The following ANKRD31 variants were observed in gnomAD, a reference collection of about 807,000 sequenced individuals.
The protein encoded by ANKRD31 is ankyrin repeat domain-containing protein 31.
Under a neutral mutation model 186.0 loss-of-function variants are expected in ANKRD31, and 147 were observed. That is an observed-to-expected ratio of 0.79 (90% confidence interval 0.69 to 0.91). ANKRD31 has a LOEUF of 0.91. ANKRD31 is among the 40% of genes least tolerant of loss of function. The pLI, the probability that ANKRD31 is intolerant of heterozygous loss-of-function variation, is 0.00. For missense variants in ANKRD31, 1,986 were observed against 2,148.8 expected (o/e 0.92, Z 1.50); for synonymous variants, 673 against 736.4 (o/e 0.91, Z 1.39).
intron 10 of ANKRD31, among the ~76,000 whole-genome samples, chr5:75,180,085 T>A (rs975782056): frequency 3.9e-5 from 6 of 151,948 alleles, no homozygotes; most frequent in African/African-American, 4.8e-5. Context: ...CTTATACACC[T>A]ATAACAGACA....
rs1446468616 is a variant in ANKRD31, at chr5:75,206,028, T to A, written c.403+383A>T. On this transcript the variant is annotated intron_variant, in intron 5 of 25. Coordinates refer to ENST00000506364, the MANE Select transcript of ANKRD31 (RefSeq NM_001372053.1). The stretch of plus-strand genomic sequence containing the variant: ...AATGGCATCTGAGCTGCTACTCCCA[T>A]AGGTAATTCTATGAAGCATGCCCCA... Among the ~76,000 whole-genome samples, 4 of 151,400 alleles carry A rather than the reference T, an allele frequency of 2.6e-5. No individual in the cohort carries two copies. The South Asian group carries it at 6.3e-4, about 24-fold the overall frequency.
At position 75,147,383 on chromosome 5, in the gene ANKRD31, T is replaced by G. The variant is rs774825385; in HGVS notation, c.2028A>C (p.Glu676Asp). 1.3e-6 allele frequency: 2 copies of G among 1,526,632 alleles called. No individual in the cohort carries two copies. The highest frequency in any genetic ancestry group is 2.4e-5 in the South Asian group (2 of 81,956). The allele number at this position is 1,526,632 out of a possible 1,614,324, so 94.6% of individuals were successfully genotyped here. A position where few individuals can be genotyped will look rare whatever the true frequency, so the allele number is the denominator to read the frequency against. The change falls in exon 14 of 26, where the codon GAA becomes GAC. Residue 676 changes from glutamate (E) to aspartate (D), a missense_variant. Physicochemically the swap from Glu to Asp is conservative, Grantham distance 45. Transcript: ENST00000506364. The stretch of plus-strand genomic sequence containing the variant: ...CTTTTTGGTAATATTCATATACATC[T>G]TCTTTATTTATAAATAAACTCGCTT... ...GSKASLFINK[E>D]DVYEYYQKDP...
intron 22 of ANKRD31, among the ~76,000 whole-genome samples, chr5:75,099,687 C>A (rs1746655984): frequency 6.6e-6 from 1 of 152,104 alleles, no homozygotes; most frequent in East Asian, 1.9e-4. Context: ...GGAATTTATC[C>A]ATTTCTTCTA....
intron 23 of ANKRD31, among the ~76,000 whole-genome samples, chr5:75,090,974 G>C (rs1745880186): frequency 6.6e-6 from 1 of 152,132 alleles, no homozygotes; most frequent in Non-Finnish European, 1.5e-5. Context: ...AAGATTAAAG[G>C]CATTAAAAGT....
Position 75,195,709 on chromosome 5 carries a change from A to G in ANKRD31, c.939T>C (p.Ser313=). ...TICHRKEGGS[S]LIARNECLEV... ...CTAAACATTCATTTCTGGCAATGAG[A>G]CTGCTACCTCCCTCTTTTCTGTGAC... The change falls in exon 7 of 26, where the codon AGT becomes AGC. Residue 313 remains serine (S), a synonymous_variant. Coordinates refer to ENST00000506364, the MANE Select transcript of ANKRD31 (RefSeq NM_001372053.1). 6.5e-7 allele frequency: 1 copy of G among 1,537,516 alleles called. No homozygotes were observed. Among genetic ancestry groups the G allele is most frequent in the Non-Finnish European group, 8.7e-7 (1 of 1,146,898 alleles).
At position 75,092,805 on chromosome 5, in the gene ANKRD31, AC is replaced by A. The variant is rs1226394699; in HGVS notation, c.5332-1405del. 2.0e-5 allele frequency among the ~76,000 whole-genome samples: 3 copies of A among 152,210 alleles called. No individual in the cohort carries two copies. The East Asian group carries it at 5.8e-4, about 29-fold the overall frequency. On this transcript the variant is annotated intron_variant, in intron 22 of 25. Coordinates refer to ENST00000506364, the MANE Select transcript of ANKRD31 (RefSeq NM_001372053.1). Reference sequence around the variant, plus strand: ...TGGATTTAACAAAGACTTCAAAATAACCATTATAAATATGTTCAAGGAACTA... The same window carrying A: ...TGGATTTAACAAAGACTTCAAAATAACATTATAAATATGTTCAAGGAACTA...
intron 11 of ANKRD31, among the ~76,000 whole-genome samples, chr5:75,168,053 A>G (rs1580468831): frequency 1.3e-5 from 2 of 152,220 alleles, no homozygotes; most frequent in East Asian, 3.9e-4. Context: ...TGCAAAAATG[A>G]CCACCCATCA....
intron 17 of ANKRD31, among the ~76,000 whole-genome samples, chr5:75,134,093 C>T (rs28779037): frequency 2.6e-5 from 4 of 151,848 alleles, no homozygotes; most frequent in African/African-American, 9.7e-5. Context: ...CCTAACATCA[C>T]AATTAAAAGA....
intron 22 of ANKRD31, among the ~76,000 whole-genome samples, chr5:75,096,008 T>C (rs1746291555): frequency 6.6e-6 from 1 of 152,138 alleles, no homozygotes; most frequent in African/African-American, 2.4e-5. Context: ...TATAGAAAAC[T>C]TCACCTAACA....
At chr5:75,092,031 C>T (rs1203920064) in intron 22 of ANKRD31, among the ~76,000 whole-genome samples, 1 of 152,200 alleles carries the variant, frequency 6.6e-6, no homozygotes, top group Non-Finnish European at 1.5e-5. Context: ...GCAAGAGTAT[C>T]ACTTGAAAAA....
At chr5:75,180,721 C>A (rs1754218858) in intron 10 of ANKRD31, among the ~76,000 whole-genome samples, 1 of 152,106 alleles carries the variant, frequency 6.6e-6, no homozygotes, top group Non-Finnish European at 1.5e-5. Context: ...TACACCTATA[C>A]AAAAATTAAT....
chr5:75,179,473 CA>C (rs1754099325), intron 10 of ANKRD31, among the ~76,000 whole-genome samples: 1 of 152,098 alleles, frequency 6.6e-6, no homozygotes, highest in African/African-American at 2.4e-5. Context: ...AACATTGATG[CA>C]AAAATCCTCA....
At chr5:75,204,265 C>T (rs1756010290) in intron 5 of ANKRD31, among the ~76,000 whole-genome samples, 1 of 151,790 alleles carries the variant, frequency 6.6e-6, no homozygotes, top group Non-Finnish European at 1.5e-5. Flanking sequence ...GTTCTTATAC[C>T]TTTTTAAGAT....
At chr5:75,201,095 T>C (rs1480847412) in intron 5 of ANKRD31, among the ~76,000 whole-genome samples, 1 of 152,256 alleles carries the variant, frequency 6.6e-6, no homozygotes, top group Non-Finnish European at 1.5e-5. Context: ...TGCATCCTCA[T>C]AAGCAAGACA....
At chr5:75,228,984 A>G (rs1757793698) in intron 2 of ANKRD31, among the ~76,000 whole-genome samples, 1 of 152,202 alleles carries the variant, frequency 6.6e-6, no homozygotes, top group African/African-American at 2.4e-5. Context: ...ATAAATACAC[A>G]AAAGTTAGAA....
At chr5:75,221,003 T>C (rs1034944606) in intron 3 of ANKRD31, among the ~76,000 whole-genome samples, 4 of 152,134 alleles carry the variant, frequency 2.6e-5, no homozygotes, top group African/African-American at 9.7e-5. Flanking sequence ...TAAAAAAGAA[T>C]GAGATCATGT....
intron 17 of ANKRD31, among the ~76,000 whole-genome samples, chr5:75,127,126 A>G (rs1240332722): frequency 6.6e-6 from 1 of 151,280 alleles, no homozygotes. Context: ...TAGAGGTTGC[A>G]GGAAGCAGAG....
chr5:75,143,005 G>C (rs1005677593), intron 15 of ANKRD31, among the ~76,000 whole-genome samples: 8 of 152,178 alleles, frequency 5.3e-5, no homozygotes, highest in African/African-American at 1.9e-4. Context: ...TTGGAAACCA[G>C]AAATCAATAT....
At chr5:75,110,645 G>T (rs1432874491) in intron 20 of ANKRD31, among the ~76,000 whole-genome samples, 1 of 150,460 alleles carries the variant, frequency 6.6e-6, no homozygotes, top group Non-Finnish European at 1.5e-5. Flanking sequence ...GGAGGCGGAG[G>T]TTCCAGTGAG....
Sources: allele counts gnomAD v4.1 joint callset (sites outside exome capture counted in the v4.1 genomes callset), GRCh38; gene constraint gnomAD v4.1.1; transcripts MANE v1.5; gene names NCBI Gene and HGNC (gene_info 2026-07-23, HGNC 2026-07-21).